NEGR1: variants seen among roughly 807,000 people sequenced by gnomAD.
NEGR1 encodes IgLON family member 4.
A neutral mutation model predicts 40.9 loss-of-function variants in NEGR1; 10 were observed. That is an observed-to-expected ratio of 0.24 (90% confidence interval 0.15 to 0.42). The LOEUF is 0.42. Among genes scored for constraint, NEGR1 ranks in the 10% least tolerant of loss-of-function variants. The pLI, the probability that NEGR1 is intolerant of heterozygous loss-of-function variation, is 1.00. For synonymous variants in NEGR1, 185 were observed against 166.8 expected (o/e 1.11, Z -0.84); for missense variants, 352 against 438.9 (o/e 0.80, Z 1.77).
intron 6 of NEGR1, among the ~76,000 whole-genome samples, chr1:71,566,251 A>G (rs1039979113): frequency 1.3e-5 from 2 of 152,148 alleles, no homozygotes; most frequent in African/African-American, 4.8e-5. Flanking sequence ...ATTTCTAATA[A>G]TAGATATACT....
At chr1:72,079,001 T>G (rs1194135700) in intron 1 of NEGR1, among the ~76,000 whole-genome samples, 1 of 151,006 alleles carries the variant, frequency 6.6e-6, no homozygotes, top group African/African-American at 2.4e-5. Context: ...GAATATACCA[T>G]TTAATCAAAT....
intron 2 of NEGR1, among the ~76,000 whole-genome samples, chr1:71,792,795 T>C (rs1343041152): frequency 2.0e-5 from 3 of 152,154 alleles, no homozygotes; most frequent in African/African-American, 7.2e-5. Context: ...TGCTTGTTAC[T>C]ATAAGGTACT....
intron 1 of NEGR1, chr1:72,275,125 A>G: frequency 1.3e-6 from 1 of 790,504 alleles, no homozygotes; most frequent in Non-Finnish European, 2.3e-6. Context: ...CCAGATCTTT[A>G]TTTCCCGCAC....
chr1:72,072,592 A>G (rs1197383977), intron 1 of NEGR1, among the ~76,000 whole-genome samples: 2 of 152,198 alleles, frequency 1.3e-5, no homozygotes, highest in Non-Finnish European at 2.9e-5. Context: ...TTATATTTCA[A>G]TATAATCTTT....
intron 1 of NEGR1, among the ~76,000 whole-genome samples, chr1:72,254,416 T>C (rs540244034): frequency 6.6e-5 from 10 of 152,060 alleles, no homozygotes; most frequent in South Asian, 2.1e-4. Context: ...AGAAAAAGCA[T>C]ATTAGGCCAG....
intron 6 of NEGR1, among the ~76,000 whole-genome samples, chr1:71,575,966 A>G (rs563567766): frequency 6.6e-6 from 1 of 152,292 alleles, no homozygotes; most frequent in South Asian, 2.1e-4. Context: ...ACCTTTAAAG[A>G]GAGTTCTGTG....
chr1:71,553,931 T>C (rs974672418), intron 6 of NEGR1, among the ~76,000 whole-genome samples: 8 of 151,630 alleles, frequency 5.3e-5, no homozygotes, highest in Non-Finnish European at 1.0e-4. Flanking sequence ...GAAAATATCT[T>C]CATCATAGAA....
In NEGR1 at chr1:72,274,110, T is replaced by C. The variant is rs540568591; in HGVS notation, c.176+8209A>G. Among the ~76,000 whole-genome samples, 14 of 151,998 alleles carry C rather than the reference T, an allele frequency of 9.2e-5. No homozygotes were observed. The East Asian group carries it at 1.7e-3, about 19-fold the overall frequency. On this transcript the variant is annotated intron_variant, in intron 1 of 6. Transcript: ENST00000357731. ...GTCAAGTCAATACTGCATTGCAGCT[T>C]GGTCCACTGAAGAAGCCATGCCTGA...
At chr1:71,587,473 C>T (rs1649344182) in intron 6 of NEGR1, among the ~76,000 whole-genome samples, 1 of 151,858 alleles carries the variant, frequency 6.6e-6, no homozygotes, top group Admixed American at 6.6e-5. Context: ...GGAGACATTC[C>T]AGAAAGTTAA....
At chr1:72,260,101 A>C (rs1259208642) in intron 1 of NEGR1, among the ~76,000 whole-genome samples, 1 of 152,114 alleles carries the variant, frequency 6.6e-6, no homozygotes, top group African/African-American at 2.4e-5. Context: ...TAACCCTAAG[A>C]AGTATGGAGT....
chr1:71,780,736 G>A (rs189807362), intron 2 of NEGR1, among the ~76,000 whole-genome samples: 1 of 152,116 alleles, frequency 6.6e-6, no homozygotes, highest in East Asian at 1.9e-4. Flanking sequence ...TATTTAGTTG[G>A]TTCCACAGTG....
intron 1 of NEGR1, among the ~76,000 whole-genome samples, chr1:72,059,697 CT>C (rs1647148547): frequency 6.6e-6 from 1 of 151,474 alleles, no homozygotes; most frequent in African/African-American, 2.4e-5. Flanking sequence ...TGGTGTTGCT[CT>C]TATATTAGGC....
chr1:71,467,660 C>T (rs1646755697), intron 6 of NEGR1, among the ~76,000 whole-genome samples: 1 of 152,002 alleles, frequency 6.6e-6, no homozygotes, highest in Admixed American at 6.6e-5. Flanking sequence ...TCATTAATTT[C>T]AACTGAGGAT....
chr1:72,235,017 G>A (rs1486586039), intron 1 of NEGR1, among the ~76,000 whole-genome samples: 1 of 152,048 alleles, frequency 6.6e-6, no homozygotes, highest in East Asian at 1.9e-4. Context: ...GAATTAACCT[G>A]CCCAATAATG....
At chr1:71,539,326 T>C (rs1389298263) in intron 6 of NEGR1, among the ~76,000 whole-genome samples, 2 of 151,620 alleles carry the variant, frequency 1.3e-5, no homozygotes, top group Non-Finnish European at 2.9e-5. Flanking sequence ...TTAAAAGTAA[T>C]TTTTTTCCCT....
intron 6 of NEGR1, among the ~76,000 whole-genome samples, chr1:71,558,848 T>C (rs910652910): frequency 2.0e-5 from 3 of 150,592 alleles, no homozygotes; most frequent in Non-Finnish European, 1.5e-5. Flanking sequence ...GTTTCTGTTA[T>C]TGAGGAATGG....
intron 2 of NEGR1, among the ~76,000 whole-genome samples, chr1:71,898,624 A>G (rs1468021587): frequency 1.3e-5 from 2 of 150,952 alleles, no homozygotes; most frequent in Non-Finnish European, 2.9e-5. Flanking sequence ...CAAAAAACAA[A>G]GAAACAAAAG....
At chr1:72,271,226 A>C (rs1655832890) in intron 1 of NEGR1, among the ~76,000 whole-genome samples, 1 of 151,888 alleles carries the variant, frequency 6.6e-6, no homozygotes, top group African/African-American at 2.4e-5. Flanking sequence ...GTTGAACAAA[A>C]ATAAGTAACA....
intron 1 of NEGR1, among the ~76,000 whole-genome samples, chr1:72,000,831 A>C (rs1356643742): frequency 6.6e-6 from 1 of 152,148 alleles, no homozygotes; most frequent in Non-Finnish European, 1.5e-5. Flanking sequence ...AAAATGAAAG[A>C]GGAAAGAAAA....
Sources: allele counts gnomAD v4.1 joint callset (sites outside exome capture counted in the v4.1 genomes callset), GRCh38; gene constraint gnomAD v4.1.1; transcripts MANE v1.5; gene names NCBI Gene and HGNC (gene_info 2026-07-23, HGNC 2026-07-21).